ZDHHC21: variants seen among roughly 807,000 people sequenced by gnomAD.
The protein encoded by ZDHHC21 is zDHHC palmitoyltransferase 21.
In ZDHHC21, 15 loss-of-function variants were observed where a neutral mutation model predicts 34.6. That is an observed-to-expected ratio of 0.43 (90% CI 0.29 to 0.67). The LOEUF (loss-of-function observed/expected upper bound fraction) is 0.67, where lower values mean the gene tolerates loss of function less well. Ranked by LOEUF, ZDHHC21 falls within the 30% of genes least tolerant of loss-of-function variation. The pLI is 0.14. For missense variants in ZDHHC21, 344 were observed against 327.7 expected (o/e 1.05, Z -0.38); for synonymous variants, 142 against 101.8 (o/e 1.40, Z -2.38).
At chr9:14,631,452 A>G (rs1054036772) in intron 8 of ZDHHC21, among the ~76,000 whole-genome samples, 4 of 152,176 alleles carry the variant, frequency 2.6e-5, no homozygotes, top group South Asian at 4.1e-4. Flanking sequence ...AAATTTCTCC[A>G]TATCAACAAT....
At chr9:14,605,845 A>G in the ZDHHC21 span, among the ~76,000 whole-genome samples, 8 of 152,194 alleles carry the variant, frequency 5.3e-5, no homozygotes, top group African/African-American at 1.4e-4. Flanking sequence ...TCCATCTGAA[A>G]TAATTTAGTT....
intron 8 of ZDHHC21, among the ~76,000 whole-genome samples, chr9:14,635,894 T>C (rs1282526999): frequency 6.6e-6 from 1 of 152,020 alleles, no homozygotes; most frequent in African/African-American, 2.4e-5. Context: ...AAAAACCCAC[T>C]GGCAGAGCAA....
In ZDHHC21 at chr9:14,691,729, T is replaced by C. The variant is rs117846758; in HGVS notation, c.-224-1344A>G. 1.6e-3 allele frequency among the ~76,000 whole-genome samples: 243 copies of C among 152,362 alleles called. 3 individuals are homozygous for C. In the East Asian group the frequency reaches 0.037, roughly 23 times the overall value. On this transcript the variant is annotated intron_variant, in intron 1 of 9. Transcript: ENST00000380916. ...ATCTCAGTAGTGTCAAAGGATCTAA[T>C]AGAATTGTTTCCATCGAAAATGATG...
At chr9:14,636,624 G>A (rs1232761931) in intron 8 of ZDHHC21, among the ~76,000 whole-genome samples, 2 of 152,084 alleles carry the variant, frequency 1.3e-5, no homozygotes, top group East Asian at 3.9e-4. Flanking sequence ...TCAGCAAATG[G>A]AACATTTTCC....
chr9:14,668,282 T>C (rs1834849555), intron 5 of ZDHHC21, among the ~76,000 whole-genome samples: 1 of 130,206 alleles, frequency 7.7e-6, no homozygotes. Context: ...TACCTAGGAA[T>C]CCAACTTACA....
intron 8 of ZDHHC21, among the ~76,000 whole-genome samples, chr9:14,639,472 G>C (rs1385298988): frequency 1.3e-5 from 2 of 151,994 alleles, no homozygotes; most frequent in African/African-American, 4.8e-5. Context: ...CAGCAGCAAT[G>C]TATATTTTAA....
In ZDHHC21 at chr9:14,650,652, T is replaced by C. The variant is rs144052620; in HGVS notation, c.504+8097A>G. Among the ~76,000 whole-genome samples the C allele has an allele frequency of 2.2e-3, 338 of 152,184 alleles. 7 individuals carry two copies. The highest frequency in any genetic ancestry group is 1.2e-3 in the East Asian group (6 of 5,190). Reference sequence around the variant, plus strand: ...TTCAAAGCTACCTGCAGCCAAGTCTTCTGGCTATTTCTTTTTTTTGTTAGC... The same window carrying C: ...TTCAAAGCTACCTGCAGCCAAGTCTCCTGGCTATTTCTTTTTTTTGTTAGC... On this transcript the variant is annotated intron_variant, in intron 7 of 9. Coordinates refer to ENST00000380916, the MANE Select transcript of ZDHHC21 (RefSeq NM_178566.6).
At chr9:14,594,509 G>C in the ZDHHC21 span, among the ~76,000 whole-genome samples, 1 of 152,024 alleles carries the variant, frequency 6.6e-6, no homozygotes, top group African/African-American at 2.4e-5. Context: ...TATATGTAAC[G>C]AAACAAAGAA....
chr9:14,624,625 A>G (rs183302061), intron 8 of ZDHHC21, among the ~76,000 whole-genome samples: 2 of 152,228 alleles, frequency 1.3e-5, no homozygotes, highest in East Asian at 3.9e-4. Context: ...ATAGAACAGT[A>G]GTTAGCAGAG....
rs1170978795 is a variant in ZDHHC21 at position 14,616,505 on chromosome 9, C to G, written c.*2461G>C. On this transcript the variant is annotated 3_prime_UTR_variant, in exon 10 of 10. Coordinates refer to ENST00000380916, the MANE Select transcript of ZDHHC21 (RefSeq NM_178566.6). ...TACTTTTGATATGTTCAGAATGTGG[C>G]TATACTATTTACTTATGGGGCAGTA... 6.6e-6 allele frequency: 1 copy of G among 151,704 alleles called. No homozygotes were observed. Among genetic ancestry groups the G allele is most frequent in the Non-Finnish European group, 1.5e-5 (1 of 67,782 alleles). The allele number at this position is 151,704 out of a possible 1,614,324, so 9.4% of individuals were successfully genotyped here. A position where few individuals can be genotyped will look rare whatever the true frequency, so the allele number is the denominator to read the frequency against.
the ZDHHC21 span, among the ~76,000 whole-genome samples, chr9:14,601,989 C>A: frequency 6.6e-6 from 1 of 151,722 alleles, no homozygotes; most frequent in South Asian, 2.1e-4. Context: ...CACACCAGGG[C>A]CAGTCAGGAG....
intron 7 of ZDHHC21, among the ~76,000 whole-genome samples, chr9:14,657,306 T>C (rs1007894966): frequency 6.6e-6 from 1 of 152,144 alleles, no homozygotes. Flanking sequence ...ATAAATTGAA[T>C]GTCTATTATA....
chr9:14,648,169 A>G (rs1438052595), intron 7 of ZDHHC21, among the ~76,000 whole-genome samples: 1 of 152,006 alleles, frequency 6.6e-6, no homozygotes, highest in East Asian at 1.9e-4. Flanking sequence ...ATTATCACCA[A>G]ATTCTGTTAG....
At chr9:14,592,106 T>C in the ZDHHC21 span, among the ~76,000 whole-genome samples, 8 of 152,048 alleles carry the variant, frequency 5.3e-5, no homozygotes, top group African/African-American at 1.7e-4. Flanking sequence ...CTGTGTCTTA[T>C]ATATTTTTTT....
chr9:14,653,775 T>A (rs951065301), intron 7 of ZDHHC21, among the ~76,000 whole-genome samples: 5 of 152,044 alleles, frequency 3.3e-5, no homozygotes, highest in African/African-American at 1.2e-4. Context: ...GCAGCAATGA[T>A]TAAAATCACC....
chr9:14,591,085 T>C, the ZDHHC21 span, among the ~76,000 whole-genome samples: 1 of 151,792 alleles, frequency 6.6e-6, no homozygotes, highest in Non-Finnish European at 1.5e-5. Flanking sequence ...ACAGAAACCA[T>C]TAAAAATTAA....
intron 8 of ZDHHC21, 86 bp from the exon 9 acceptor site, chr9:14,619,768 T>C: frequency 2.6e-6 from 2 of 781,706 alleles, no homozygotes; most frequent in Admixed American, 3.9e-5. Flanking sequence ...TTTAATCTTA[T>C]TCCAAAAATA....
chr9:14,624,605 A>G (rs1299974356), intron 8 of ZDHHC21, among the ~76,000 whole-genome samples: 1 of 152,134 alleles, frequency 6.6e-6, no homozygotes. Flanking sequence ...GTGATCTCAC[A>G]GAAGTATGAA....
chr9:14,599,307 C>T, the ZDHHC21 span, among the ~76,000 whole-genome samples: 2 of 152,152 alleles, frequency 1.3e-5, no homozygotes, highest in East Asian at 3.9e-4. Context: ...TGAGCCAAAG[C>T]AGGGTGGGGC....
Sources: allele counts gnomAD v4.1 joint callset (sites outside exome capture counted in the v4.1 genomes callset), GRCh38; gene constraint gnomAD v4.1.1; transcripts MANE v1.5; gene names NCBI Gene and HGNC (gene_info 2026-07-23, HGNC 2026-07-21).